Variants in IL34 observed in about 807,000 individuals in gnomAD.
IL34 encodes interleukin-34.
Under a neutral mutation model 25.3 loss-of-function variants are expected in IL34, and 17 were observed. That is an observed-to-expected ratio of 0.67 (90% CI 0.46 to 1.01). The LOEUF is 1.01. IL34 is among the 50% of genes least tolerant of loss of function. The probability of loss-of-function intolerance (pLI) is 0.00; values close to 1 mark genes in which losing one functional copy is unlikely to be tolerated. For synonymous variants in IL34, 174 were observed against 140.9 expected (o/e 1.23, Z -1.66); for missense variants, 368 against 312.9 (o/e 1.18, Z -1.33).
At chr16:70,657,371 C>T in intron 4 of IL34, 1 of 469,816 alleles carries the variant, frequency 2.1e-6, no homozygotes, top group Middle Eastern at 5.8e-4. Flanking sequence ...GTTCTAGGCT[C>T]TGCCTCTCTC....
intron 1 of IL34, among the ~76,000 whole-genome samples, chr16:70,614,074 C>T (rs928692964): frequency 3.3e-5 from 5 of 151,320 alleles, no homozygotes; most frequent in Admixed American, 3.3e-4. Context: ...GCCCCAGCTA[C>T]TCAGGAGGCT....
intron 1 of IL34, among the ~76,000 whole-genome samples, chr16:70,627,112 G>A (rs145395336): frequency 0.012 from 1,822 of 152,226 alleles, 45 homozygotes; most frequent in African/African-American, 0.041. Flanking sequence ...ACAGGCCTGA[G>A]CCACTAAGCC....
upstream of IL34, among the ~76,000 whole-genome samples, chr16:70,644,584 G>T (rs1003915600): frequency 6.6e-6 from 1 of 151,948 alleles, no homozygotes; most frequent in Admixed American, 6.6e-5. Context: ...TGTAGTATAT[G>T]TAAATTAGCC....
chr16:70,652,633 T>C (rs2151878574), intron 1 of IL34, among the ~76,000 whole-genome samples: 1 of 152,336 alleles, frequency 6.6e-6, no homozygotes, highest in East Asian at 1.9e-4. Context: ...TTATGGAACG[T>C]CTAGGCCATT....
intron 1 of IL34, among the ~76,000 whole-genome samples, chr16:70,605,742 C>T (rs758382616): frequency 2.0e-5 from 3 of 152,068 alleles, no homozygotes; most frequent in Non-Finnish European, 4.4e-5. Context: ...GCAATCTCGG[C>T]TCACTGCAAC....
chr16:70,614,631 T>C (rs2051146670), intron 1 of IL34, among the ~76,000 whole-genome samples: 1 of 152,248 alleles, frequency 6.6e-6, no homozygotes, highest in Non-Finnish European at 1.5e-5. Context: ...TGATGTTGTT[T>C]GTCCTTATCT....
At chr16:70,640,853 C>T (rs891741635) in intron 1 of IL34, among the ~76,000 whole-genome samples, 2 of 152,144 alleles carry the variant, frequency 1.3e-5, no homozygotes, top group Non-Finnish European at 2.9e-5. Flanking sequence ...CAATCCCCTT[C>T]CCCACTCCCC....
At chr16:70,640,978 A>G (rs1462145229) in intron 1 of IL34, among the ~76,000 whole-genome samples, 1 of 152,134 alleles carries the variant, frequency 6.6e-6, no homozygotes, top group Non-Finnish European at 1.5e-5. Flanking sequence ...ACTCAAGAGA[A>G]TTGAAAGTGT....
At chr16:70,638,056 T>C (rs1036037180) in intron 1 of IL34, among the ~76,000 whole-genome samples, 2 of 152,188 alleles carry the variant, frequency 1.3e-5, no homozygotes, top group African/African-American at 4.8e-5. Context: ...TTTTAGAGTA[T>C]ATTTCTGGGT....
chr16:70,590,840 C>G (rs1235497370), intron 1 of IL34, among the ~76,000 whole-genome samples: 1 of 152,182 alleles, frequency 6.6e-6, no homozygotes, highest in African/African-American at 2.4e-5. Context: ...TGGCCTCTCC[C>G]TGCCCCCGCC....
chr16:70,620,986 C>G (rs1055849632), intron 1 of IL34, among the ~76,000 whole-genome samples: 1 of 151,926 alleles, frequency 6.6e-6, no homozygotes, highest in African/African-American at 2.4e-5. Context: ...GGGTTCTTGC[C>G]CTCCAGAAAA....
chr16:70,635,835 T>C (rs2051629997), intron 1 of IL34, among the ~76,000 whole-genome samples: 2 of 152,166 alleles, frequency 1.3e-5, no homozygotes, highest in African/African-American at 4.8e-5. Context: ...TAGCATGTAC[T>C]GTATGCCAGC....
chr16:70,656,703 G>A (rs766954193), intron 3 of IL34, 24 bp downstream of exon 3: 2 of 1,156,290 alleles, frequency 1.7e-6, no homozygotes, highest in South Asian at 2.4e-5. Context: ...CCTGGGCTGG[G>A]GGGACCCTGC....
intron 1 of IL34, among the ~76,000 whole-genome samples, chr16:70,626,114 G>C (rs893644179): frequency 2.0e-5 from 3 of 152,216 alleles, no homozygotes; most frequent in Non-Finnish European, 4.4e-5. Flanking sequence ...CAAAAAGAGA[G>C]TCAGCCTGTT....
At chr16:70,654,709 G>A (rs760942052) in intron 2 of IL34, 38 bp downstream of exon 2, 41 of 1,566,776 alleles carry the variant, frequency 2.6e-5, no homozygotes, top group Middle Eastern at 1.7e-4. Context: ...CTGTCCCCGC[G>A]TCCCGGGGTT....
chr16:70,632,542 G>A (rs2051543773), intron 1 of IL34, among the ~76,000 whole-genome samples: 1 of 152,150 alleles, frequency 6.6e-6, no homozygotes, highest in African/African-American at 2.4e-5. Flanking sequence ...CTGACCAGGT[G>A]GTCCTGAGGG....
At chr16:70,632,534 G>A (rs2051543463) in intron 1 of IL34, among the ~76,000 whole-genome samples, 1 of 152,178 alleles carries the variant, frequency 6.6e-6, no homozygotes, top group Non-Finnish European at 1.5e-5. Flanking sequence ...TTCGGCTCCT[G>A]ACCAGGTGGT....
chr16:70,621,797 C>G (rs1038587340), intron 1 of IL34, among the ~76,000 whole-genome samples: 1 of 151,666 alleles, frequency 6.6e-6, no homozygotes, highest in Non-Finnish European at 1.5e-5. Flanking sequence ...TGTTCTCTGG[C>G]GGGCAGGAGT....
upstream of IL34, among the ~76,000 whole-genome samples, chr16:70,646,390 G>C (rs1049954800): frequency 6.6e-6 from 1 of 152,138 alleles, no homozygotes. Flanking sequence ...GGCCAGGGCC[G>C]TTCGGACATC....
Sources: allele counts gnomAD v4.1 joint callset (sites outside exome capture counted in the v4.1 genomes callset), GRCh38; gene constraint gnomAD v4.1.1; transcripts MANE v1.5; gene names NCBI Gene and HGNC (gene_info 2026-07-23, HGNC 2026-07-21).